Variants in TRAPPC9 observed in about 807,000 individuals in gnomAD.
The protein encoded by TRAPPC9 is IKK2 binding protein.
TRAPPC9 carries 83 observed loss-of-function variants against 124.0 expected under a neutral mutation model. That is an observed-to-expected ratio of 0.67 (90% confidence interval 0.56 to 0.80). TRAPPC9 has a LOEUF of 0.80. Among genes scored for constraint, TRAPPC9 ranks in the 30% least tolerant of loss-of-function variants. The probability of loss-of-function intolerance (pLI) is 0.00; values close to 1 mark genes in which losing one functional copy is unlikely to be tolerated. For missense variants in TRAPPC9, 1,302 were observed against 1,508.3 expected (o/e 0.86, Z 2.27); for synonymous variants, 638 against 617.5 (o/e 1.03, Z -0.49).
At chr8:139,909,621 T>C (rs1211397823) in intron 20 of TRAPPC9, among the ~76,000 whole-genome samples, 1 of 152,228 alleles carries the variant, frequency 6.6e-6, no homozygotes, top group East Asian at 1.9e-4. Context: ...CAGTGGAGTG[T>C]CTGCAAGGAG....
intron 5 of TRAPPC9, among the ~76,000 whole-genome samples, chr8:140,426,068 T>A (rs779442525): frequency 6.6e-6 from 1 of 152,248 alleles, no homozygotes; most frequent in Non-Finnish European, 1.5e-5. Flanking sequence ...ACCCTGTCAT[T>A]GTTTCTCATT....
intron 15 of TRAPPC9, among the ~76,000 whole-genome samples, chr8:140,265,362 A>G (rs1161149331): frequency 1.3e-5 from 2 of 152,222 alleles, no homozygotes; most frequent in Non-Finnish European, 2.9e-5. Context: ...AAATCCACAC[A>G]CATGGGAACA....
At chr8:139,901,229 C>T (rs1034234008) in intron 20 of TRAPPC9, among the ~76,000 whole-genome samples, 4 of 152,102 alleles carry the variant, frequency 2.6e-5, no homozygotes, top group South Asian at 2.1e-4. Flanking sequence ...TTGCATCCCA[C>T]GCGCAAGCTC....
At chr8:140,095,850 G>A in intron 17 of TRAPPC9, 1 of 152,242 alleles carries the variant, frequency 6.6e-6, no homozygotes, top group East Asian at 1.9e-4. Context: ...CCAGGGAGGA[G>A]CATTTCAGGA....
chr8:140,369,105 C>T (rs961513722), intron 8 of TRAPPC9, among the ~76,000 whole-genome samples: 37 of 152,034 alleles, frequency 2.4e-4, no homozygotes, highest in African/African-American at 7.7e-4. Context: ...ACTATCTGGC[C>T]CTTTACAGAG....
intron 19 of TRAPPC9, among the ~76,000 whole-genome samples, chr8:139,972,240 G>A (rs1836149992): frequency 6.6e-6 from 1 of 152,150 alleles, no homozygotes; most frequent in East Asian, 1.9e-4. Context: ...CGCATTTAAG[G>A]AAACAAATAC....
intron 19 of TRAPPC9, chr8:139,932,460 G>T (rs752284868): frequency 2.0e-5 from 9 of 457,604 alleles, no homozygotes; most frequent in Non-Finnish European, 4.0e-5. Context: ...CCTGACTCCT[G>T]GGGTAGAAAT....
At chr8:139,911,735 T>A (rs1485424127) in intron 19 of TRAPPC9, among the ~76,000 whole-genome samples, 4 of 151,620 alleles carry the variant, frequency 2.6e-5, no homozygotes, top group Non-Finnish European at 5.9e-5. Flanking sequence ...GCCTTTTTTT[T>A]TTATTATTGC....
intron 17 of TRAPPC9, among the ~76,000 whole-genome samples, chr8:140,106,513 G>C (rs1427693014): frequency 6.6e-6 from 1 of 152,142 alleles, no homozygotes; most frequent in Non-Finnish European, 1.5e-5. Flanking sequence ...CGGCCTATGG[G>C]GCTGCTGGGA....
chr8:140,047,552 A>G (rs749207380), intron 17 of TRAPPC9, among the ~76,000 whole-genome samples: 21 of 152,214 alleles, frequency 1.4e-4, no homozygotes, highest in Non-Finnish European at 2.6e-4. Context: ...TCGCGCATGA[A>G]GAAGGGGACA....
chr8:139,761,538 C>T lies in TRAPPC9; in HGVS notation c.3056-29336G>A, dbSNP rs146898159. Among the ~76,000 whole-genome samples the T allele has an allele frequency of 6.4e-3, 976 of 152,284 alleles. 11 individuals are homozygous for T. Among genetic ancestry groups the T allele is most frequent in the South Asian group, 0.016 (77 of 4,824 alleles). ...TGGCTTGCCCACCTCCTCCTCCCAA[C>T]CCCACACCCTGCCTGGTACTATGAC... On this transcript the variant is annotated intron_variant, in intron 21 of 22. Transcript: ENST00000438773.
At chr8:140,351,527 G>A (rs538032668) in intron 9 of TRAPPC9, among the ~76,000 whole-genome samples, 99 of 152,208 alleles carry the variant, frequency 6.5e-4, no homozygotes, top group African/African-American at 2.2e-3. Flanking sequence ...CCAACACTTC[G>A]GGAGGCTGAG....
chr8:140,169,831 G>A (rs1301380045), intron 17 of TRAPPC9, among the ~76,000 whole-genome samples: 6 of 152,026 alleles, frequency 3.9e-5, no homozygotes, highest in East Asian at 3.9e-4. Context: ...TCAACCTCCC[G>A]GGCTCAACTG....
chr8:140,357,946 CACTTGGGTCACCAGA>C (rs1426449015), intron 9 of TRAPPC9, among the ~76,000 whole-genome samples: 1 of 152,188 alleles, frequency 6.6e-6, no homozygotes, highest in Non-Finnish European at 1.5e-5. Flanking sequence ...AGCAGAGATT[CACTTGGGTCACCAGA>C]AGTCCTCAAC....
At chr8:140,429,491 G>T (rs1356867117) in intron 4 of TRAPPC9, among the ~76,000 whole-genome samples, 1 of 152,218 alleles carries the variant, frequency 6.6e-6, no homozygotes, top group Admixed American at 6.5e-5. Context: ...GTAAAACTGG[G>T]ATAATAATCC....
chr8:139,840,766 A>G (rs1826674517), intron 21 of TRAPPC9, among the ~76,000 whole-genome samples: 1 of 152,190 alleles, frequency 6.6e-6, no homozygotes, highest in Admixed American at 6.5e-5. Context: ...AGGCACATCC[A>G]GCCTGCCCCG....
At chr8:140,120,626 A>C (rs149736707) in intron 17 of TRAPPC9, among the ~76,000 whole-genome samples, 494 of 150,268 alleles carry the variant, frequency 3.3e-3, no homozygotes, top group Middle Eastern at 6.9e-3. Context: ...CCATCCGTCC[A>C]ACATCCAACA....
chr8:140,211,054 T>C (rs1209501940), intron 17 of TRAPPC9, among the ~76,000 whole-genome samples: 1 of 152,022 alleles, frequency 6.6e-6, no homozygotes, highest in Non-Finnish European at 1.5e-5. Flanking sequence ...GCTCCTAAGT[T>C]GTCTTTACAG....
chr8:140,129,869 G>A (rs1587770763), intron 17 of TRAPPC9, among the ~76,000 whole-genome samples: 1 of 152,206 alleles, frequency 6.6e-6, no homozygotes, highest in African/African-American at 2.4e-5. Context: ...GCATGCACAC[G>A]CACATACATA....
Sources: gnomAD v4.1 joint callset for allele counts (sites outside exome capture counted in the v4.1 genomes callset) on GRCh38, gnomAD v4.1.1 for gene constraint, MANE v1.5 for transcripts, NCBI Gene and HGNC (gene_info 2026-07-23, HGNC 2026-07-21) for gene names.